Variants in HFM1 observed in about 807,000 individuals in gnomAD.
HFM1 encodes the protein helicase for meiosis 1, also known as probable ATP-dependent DNA helicase HFM1.
Under a neutral mutation model 192.1 loss-of-function variants are expected in HFM1, and 169 were observed. That is an observed-to-expected ratio of 0.88 (90% CI 0.78 to 1.00). The LOEUF is 1.00. Ranked by LOEUF, HFM1 falls within the 50% of genes least tolerant of loss-of-function variation. HFM1 has a pLI of 0.00. For synonymous variants in HFM1, 525 were observed against 537.8 expected (o/e 0.98, Z 0.33); for missense variants, 1,661 against 1,668.0 (o/e 1.00, Z 0.07).
chr1:91,385,705 A>G lies in HFM1; in HGVS notation c.624T>C (p.Asn208=). The change falls in exon 5 of 39, where the codon AAT becomes AAC. Residue 208 remains asparagine (N), a synonymous_variant. Transcript: ENST00000370425. ...CAGAATACTGAAATTTTTGCTTACT[A>G]TTGCTATAGTTCCTTGATTTCCCTT... ...MNKGKSRNYS[N]SKQKFQYSAN... is the part of the protein sequence containing the mutation. 1 of 1,612,838 alleles carries G rather than the reference A, an allele frequency of 6.2e-7. No individual in the cohort carries two copies. The highest frequency in any genetic ancestry group is 2.2e-5 in the East Asian group (1 of 44,820).
At chr1:91,335,771 G>C (rs1312638903) in intron 20 of HFM1, among the ~76,000 whole-genome samples, 2 of 151,982 alleles carry the variant, frequency 1.3e-5, no homozygotes, top group African/African-American at 2.4e-5. Flanking sequence ...ACTGCAAGAC[G>C]TGTCAGTGAC....
Position 91,385,593 on chromosome 1 carries a change from G to A in HFM1, c.736C>T (p.Gln246Ter). The A allele has an allele frequency of 6.2e-7, 1 of 1,612,288 alleles. No individual in the cohort carries two copies. The highest frequency in any genetic ancestry group is 8.5e-7 in the Non-Finnish European group (1 of 1,178,648). The change falls in exon 5 of 39, where the codon CAA (glutamine) becomes TAA (stop). Residue 246 changes from glutamine (Q) to a stop codon, truncating the protein, a stop_gained. Coordinates refer to ENST00000370425, the MANE Select transcript of HFM1 (RefSeq NM_001017975.6). LOFTEE classifies it high-confidence loss of function. Reference sequence around the variant, plus strand: ...AAATTACCTTGAATATCATGAGGTTGGAAAGCAACTGAAAAAGATGGTGCT... The same window carrying A: ...AAATTACCTTGAATATCATGAGGTTAGAAAGCAACTGAAAAAGATGGTGCT... ...FKAPSFSVAF[Q>*]PHDIQEVTEN...
At chr1:91,349,744 A>T (rs937373024) in intron 18 of HFM1, among the ~76,000 whole-genome samples, 1 of 152,128 alleles carries the variant, frequency 6.6e-6, no homozygotes, top group Non-Finnish European at 1.5e-5. Context: ...TAGCTAAGAC[A>T]CTCCCAGATT....
intron 5 of HFM1, 70 bp from the exon 6 acceptor site, chr1:91,385,304 A>C: frequency 1.1e-6 from 1 of 949,650 alleles, no homozygotes; most frequent in South Asian, 1.5e-5. Context: ...TAGGACCTGA[A>C]ATGAATATTT....
chr1:91,324,715 T>G lies in HFM1; in HGVS notation c.2387A>C (p.Lys796Thr). 1.3e-6 allele frequency: 2 copies of G among 1,568,000 alleles called. No individual in the cohort carries two copies. Among genetic ancestry groups the G allele is most frequent in the Non-Finnish European group, 1.8e-6 (2 of 1,139,276 alleles). The change falls in exon 21 of 39, where the codon AAA becomes ACA. Residue 796 changes from lysine to threonine, a missense_variant. Lys to Thr is a moderately conservative substitution (Grantham distance 78). Coordinates refer to ENST00000370425, the MANE Select transcript of HFM1 (RefSeq NM_001017975.6). ...TTCTTTTCCACTGATTGTATAAAAT[T>G]TCTTCACTGTCTCAAATGTAATATA... is the stretch of plus-strand genomic sequence containing the variant. The part of the protein sequence containing the change: ...WYYITFETVK[K>T]FYTISGKETL...
intron 8 of HFM1, 44 bp from the exon 9 acceptor site, chr1:91,379,258 T>C (rs4658219): frequency 0.09 from 134,192 of 1,491,306 alleles, 6,474 homozygotes; most frequent in Admixed American, 0.17. Context: ...AGTTCAATTT[T>C]AAAATTCTTT....
intron 6 of HFM1, among the ~76,000 whole-genome samples, chr1:91,382,476 A>G (rs988867131): frequency 1.3e-5 from 2 of 152,208 alleles, no homozygotes; most frequent in South Asian, 2.1e-4. Context: ...TGCCTGACAC[A>G]TAACTCAGTT....
intron 11 of HFM1, among the ~76,000 whole-genome samples, chr1:91,377,183 C>T (rs568103023): frequency 6.6e-6 from 1 of 151,524 alleles, no homozygotes; most frequent in South Asian, 2.1e-4. Flanking sequence ...TAAAGATAAA[C>T]GCTAGGATTT....
At position 91,328,744 on chromosome 1, in the gene HFM1, G is replaced by A. The variant is rs938008790; in HGVS notation, c.2336-3978C>T. On this transcript the variant is annotated intron_variant, in intron 20 of 38. Coordinates refer to ENST00000370425, the MANE Select transcript of HFM1 (RefSeq NM_001017975.6). ...AGGCTCAGGCTGCTGGGGCCGAGCA[G>A]GTGGTGGAAAAATTCACTAAGTGGC... 3.7e-6 allele frequency: 6 copies of A among 1,610,320 alleles called. No homozygotes were observed. In the African/African-American group the frequency reaches 8.0e-5, roughly 22 times the overall value.
chr1:91,308,494 T>C (rs1338666101), intron 30 of HFM1, among the ~76,000 whole-genome samples: 1 of 152,192 alleles, frequency 6.6e-6, no homozygotes, highest in Non-Finnish European at 1.5e-5. Flanking sequence ...TTACCTATTT[T>C]TTCTATATTT....
chr1:91,393,897 T>C (rs977724715), intron 4 of HFM1, among the ~76,000 whole-genome samples, 196 bp downstream of exon 4: 3 of 152,196 alleles, frequency 2.0e-5, no homozygotes, highest in Admixed American at 2.0e-4. Flanking sequence ...TAGTAGATAG[T>C]TATATATTAC....
chr1:91,324,849 G>A, intron 20 of HFM1, 83 bp from the exon 21 acceptor site: 1 of 757,782 alleles, frequency 1.3e-6, no homozygotes, highest in Non-Finnish European at 2.3e-6. Context: ...ATTTCCTGAG[G>A]GGAGGAGAAG....
intron 23 of HFM1, among the ~76,000 whole-genome samples, chr1:91,321,603 C>A (rs1351533798): frequency 1.3e-5 from 2 of 152,074 alleles, no homozygotes; most frequent in Admixed American, 1.3e-4. Flanking sequence ...AAAAAGGTAA[C>A]TATTAGCCAT....
At chr1:91,393,660 C>G (rs984864266) in intron 4 of HFM1, among the ~76,000 whole-genome samples, 1 of 152,116 alleles carries the variant, frequency 6.6e-6, no homozygotes, top group African/African-American at 2.4e-5. Flanking sequence ...AATAAGATAA[C>G]CTTTCAAGTG....
chr1:91,322,105 A>G (rs1652206457), intron 23 of HFM1, among the ~76,000 whole-genome samples: 1 of 152,206 alleles, frequency 6.6e-6, no homozygotes, highest in South Asian at 2.1e-4. Flanking sequence ...ATAGAAATAA[A>G]TATTTGAATA....
chr1:91,372,428 TC>T (rs1440462892), intron 13 of HFM1, among the ~76,000 whole-genome samples: 1 of 152,220 alleles, frequency 6.6e-6, no homozygotes, highest in Non-Finnish European at 1.5e-5. Flanking sequence ...ATGAGTTATG[TC>T]CTTTGTAGGG....
intron 32 of HFM1, among the ~76,000 whole-genome samples, chr1:91,275,103 C>A (rs1451370535): frequency 1.3e-5 from 2 of 151,770 alleles, no homozygotes; most frequent in East Asian, 3.9e-4. Context: ...TCTGCCTCAG[C>A]CTCCTGACTA....
intron 28 of HFM1, 65 bp downstream of exon 28, chr1:91,315,750 G>A: frequency 2.5e-6 from 3 of 1,187,406 alleles, no homozygotes; most frequent in Non-Finnish European, 3.5e-6. Flanking sequence ...TTTTTTTTCA[G>A]TAGAATTTTT....
At chr1:91,328,795 C>T in intron 20 of HFM1, 4 of 1,611,006 alleles carry the variant, frequency 2.5e-6, no homozygotes, top group African/African-American at 1.3e-5. Context: ...AGCAGCACAA[C>T]GATAAGTGCA....
Sources: gnomAD v4.1 joint callset for allele counts (sites outside exome capture counted in the v4.1 genomes callset) on GRCh38, gnomAD v4.1.1 for gene constraint, MANE v1.5 for transcripts, NCBI Gene and HGNC (gene_info 2026-07-23, HGNC 2026-07-21) for gene names.